Variants in PTPRO observed in about 807,000 individuals in gnomAD.
The protein encoded by PTPRO is protein tyrosine phosphatase receptor type O, also known as receptor-type tyrosine-protein phosphatase O.
In PTPRO, 62 loss-of-function variants were observed where a neutral mutation model predicts 145.2. The ratio of observed to expected loss-of-function variants is 0.43; its 90% CI spans 0.35 to 0.53. The LOEUF (loss-of-function observed/expected upper bound fraction) is 0.53, where lower values mean the gene tolerates loss of function less well. Ranked by LOEUF, PTPRO falls within the 20% of genes least tolerant of loss-of-function variation. The probability of loss-of-function intolerance (pLI) is 0.01; values close to 1 mark genes in which losing one functional copy is unlikely to be tolerated. For missense variants in PTPRO, 1,345 were observed against 1,482.7 expected (o/e 0.91, Z 1.53); for synonymous variants, 565 against 514.7 (o/e 1.10, Z -1.32).
At chr12:15,483,510 G>T (rs1277611389) in intron 1 of PTPRO, among the ~76,000 whole-genome samples, 1 of 152,044 alleles carries the variant, frequency 6.6e-6, no homozygotes, top group Admixed American at 6.6e-5. Context: ...GCAGATGAGA[G>T]GAAATAGACG....
chr12:15,439,911 T>A (rs527807477), intron 1 of PTPRO: 15 of 665,488 alleles, frequency 2.3e-5, no homozygotes, highest in South Asian at 3.3e-5. Context: ...TTTGTTGCCA[T>A]TGGGGACTAC....
At chr12:15,568,236 C>T (rs571481049) in intron 18 of PTPRO, among the ~76,000 whole-genome samples, 9 of 151,316 alleles carry the variant, frequency 5.9e-5, no homozygotes, top group Admixed American at 5.9e-4. Flanking sequence ...TCAAGACCAC[C>T]TTGGACAACA....
At chr12:15,523,034 T>C (rs1942759661) in intron 10 of PTPRO, among the ~76,000 whole-genome samples, 1 of 152,210 alleles carries the variant, frequency 6.6e-6, no homozygotes, top group Non-Finnish European at 1.5e-5. Flanking sequence ...TATTCTGAAA[T>C]ATGATGTAGA....
At chr12:15,580,390 C>T (rs995942168) in intron 21 of PTPRO, among the ~76,000 whole-genome samples, 1 of 152,166 alleles carries the variant, frequency 6.6e-6, no homozygotes, top group Non-Finnish European at 1.5e-5. Context: ...ATTCAGCAAC[C>T]AAATTCAAAG....
chr12:15,363,851 T>C (rs1389567581), intron 1 of PTPRO, among the ~76,000 whole-genome samples: 1 of 152,176 alleles, frequency 6.6e-6, no homozygotes, highest in East Asian at 1.9e-4. Context: ...ATCTTCCTTT[T>C]ACTAGTTGTA....
chr12:15,583,356 G>C (rs1944361210), intron 23 of PTPRO, among the ~76,000 whole-genome samples: 1 of 151,880 alleles, frequency 6.6e-6, no homozygotes, highest in Non-Finnish European at 1.5e-5. Flanking sequence ...GTACACACCT[G>C]TAGTCCCAGC....
chr12:15,438,588 G>A (rs1174323092), intron 1 of PTPRO, among the ~76,000 whole-genome samples: 1 of 151,708 alleles, frequency 6.6e-6, no homozygotes, highest in East Asian at 1.9e-4. Flanking sequence ...TCAATAGACT[G>A]AACCAAGCAG....
intron 17 of PTPRO, among the ~76,000 whole-genome samples, chr12:15,564,909 G>A (rs915875782): frequency 3.3e-5 from 5 of 152,042 alleles, no homozygotes; most frequent in Admixed American, 3.3e-4. Flanking sequence ...TACTTGGTTG[G>A]GTGAAAATCA....
intron 6 of PTPRO, among the ~76,000 whole-genome samples, chr12:15,507,481 TAAAG>T (rs1942347383): frequency 6.6e-6 from 1 of 151,686 alleles, no homozygotes; most frequent in Admixed American, 6.6e-5. Flanking sequence ...CATAAAAACT[TAAAG>T]AAGGTTATAT....
rs755164422 is a variant in PTPRO, at chr12:15,516,936, G to C, written c.1759G>C (p.Val587Leu). The C allele has an allele frequency of 1.2e-6, 2 of 1,613,766 alleles. No individual in the cohort carries two copies. Among genetic ancestry groups the C allele is most frequent in the Admixed American group, 1.7e-5 (1 of 60,032 alleles). ...WTTYYEIAAT[V>L]SLTASVRIAN... Reference sequence around the variant, plus strand: ...CACCTACTATGAAATAGCAGCAACTGTTTCCTTAACTGCATCCGTGGTAAT... The same window carrying C: ...CACCTACTATGAAATAGCAGCAACTCTTTCCTTAACTGCATCCGTGGTAAT... Residue 587 changes from valine to leucine, a missense_variant, in exon 9 of 27, where the codon GTT becomes CTT. Val to Leu is a conservative substitution (Grantham distance 32, BLOSUM62 1). This residue lies in a region of PTPRO where 1,130 missense variants were observed against 1,214.7 expected (regional missense o/e 0.93). Transcript: ENST00000281171.
intron 7 of PTPRO, 82 bp downstream of exon 7, chr12:15,508,849 G>A (rs993563323): frequency 7.7e-6 from 11 of 1,431,114 alleles, no homozygotes; most frequent in Admixed American, 1.8e-5. Context: ...GGCAATTGTA[G>A]GAAGCCAGGC....
rs1565454418 is a variant in PTPRO at position 15,596,453 on chromosome 12, A to C, written c.*380A>C. 1 of 152,626 alleles carries C rather than the reference A, an allele frequency of 6.6e-6. No homozygotes were observed. The highest frequency in any genetic ancestry group is 1.5e-5 in the Non-Finnish European group (1 of 68,056). 9.5% of individuals were successfully genotyped at this position (152,626 alleles called of 1,614,324 possible). ...TAATTTTTGTGTGTGTGTGATTCTT[A>C]TCAGAAAGTTGAATTGTTTTCTGCC... On this transcript the variant is annotated 3_prime_UTR_variant, in exon 27 of 27. Coordinates refer to ENST00000281171, the MANE Select transcript of PTPRO (RefSeq NM_030667.3).
chr12:15,425,420 A>G (rs928456175), intron 1 of PTPRO, among the ~76,000 whole-genome samples: 1 of 152,162 alleles, frequency 6.6e-6, no homozygotes, highest in African/African-American at 2.4e-5. Flanking sequence ...GTGTGAGGCC[A>G]GGGAATGCTA....
At chr12:15,464,521 A>AT (rs144293051) in intron 1 of PTPRO, among the ~76,000 whole-genome samples, 79,302 of 143,228 alleles carry the variant, frequency 0.55, 22,831 homozygotes, top group South Asian at 0.69. Context: ...CGCCCAGCTA[A>AT]TTTTGTTTTT....
chr12:15,470,991 C>T (rs1941526869), intron 1 of PTPRO, among the ~76,000 whole-genome samples: 2 of 152,140 alleles, frequency 1.3e-5, no homozygotes, highest in African/African-American at 2.4e-5. Context: ...GCTAACATTC[C>T]ATCATTTGTA....
At chr12:15,541,193 G>A (rs1186215664) in intron 12 of PTPRO, among the ~76,000 whole-genome samples, 1 of 152,140 alleles carries the variant, frequency 6.6e-6, no homozygotes, top group Non-Finnish European at 1.5e-5. Flanking sequence ...ATGTCATTTA[G>A]AGAGATAAAA....
chr12:15,581,574 C>T, intron 22 of PTPRO, 105 bp from the exon 23 acceptor site: 8 of 1,338,242 alleles, frequency 6.0e-6, no homozygotes, highest in Non-Finnish European at 8.5e-6. Flanking sequence ...CACCACGGTC[C>T]TATCTAATTC....
intron 15 of PTPRO, among the ~76,000 whole-genome samples, chr12:15,552,691 C>T (rs1467987883): frequency 1.3e-5 from 2 of 150,870 alleles, no homozygotes; most frequent in Non-Finnish European, 2.9e-5. Flanking sequence ...AAATAAGCTT[C>T]TTGAAGGTTG....
intron 1 of PTPRO, among the ~76,000 whole-genome samples, chr12:15,446,046 C>A (rs935271658): frequency 6.6e-6 from 1 of 151,992 alleles, no homozygotes; most frequent in Non-Finnish European, 1.5e-5. Context: ...AACAGTGAAC[C>A]ACTCATTACT....
Sources: gnomAD v4.1 joint callset for allele counts (sites outside exome capture counted in the v4.1 genomes callset) on GRCh38, gnomAD v4.1.1 for gene constraint, gnomAD v4.1.1 regional missense constraint, MANE v1.5 for transcripts, NCBI Gene and HGNC (gene_info 2026-07-23, HGNC 2026-07-21) for gene names.